Variants in TTC7A observed in about 807,000 individuals in gnomAD.
TTC7A encodes tetratricopeptide repeat domain 7A.
TTC7A carries 110 observed loss-of-function variants against 103.7 expected under a neutral mutation model. The observed-to-expected ratio is 1.06, with a 90% CI of 0.91 to 1.24. The LOEUF is 1.24. TTC7A is among the 50% of genes most tolerant of loss of function. The pLI, the probability that TTC7A is intolerant of heterozygous loss-of-function variation, is 0.00. For missense variants in TTC7A, 1,340 were observed against 1,116.3 expected (o/e 1.20, Z -2.86); for synonymous variants, 521 against 467.9 (o/e 1.11, Z -1.47).
chr2:46,974,753 T>G lies in TTC7A; in HGVS notation c.518-220T>G, dbSNP rs543320656. 1.6e-3 allele frequency: 1,032 copies of G among 627,894 alleles called. 4 individuals carry two copies. The highest frequency in any genetic ancestry group is 2.6e-3 in the Non-Finnish European group (917 of 346,912). 38.9% of individuals were successfully genotyped at this position (627,894 alleles called of 1,614,324 possible). A position where few individuals can be genotyped will look rare whatever the true frequency, so the allele number is the denominator to read the frequency against. ...TCCCCGGGTAGTTGGGCTGGGGTGA[T>G]GCACTGTGATTCCCCACGTGCTGTC... On this transcript the variant is annotated intron_variant, in intron 3 of 19. Transcript: ENST00000319190.
intron 15 of TTC7A, among the ~76,000 whole-genome samples, chr2:47,038,279 GAAAA>G (rs1345055472): frequency 8.9e-4 from 132 of 148,970 alleles, no homozygotes; most frequent in Admixed American, 2.1e-3. Context: ...AAAAAAGAAA[GAAAA>G]AAGCTGAGGC....
At chr2:46,958,750 G>T (rs916918077) in intron 3 of TTC7A, among the ~76,000 whole-genome samples, 13 of 152,208 alleles carry the variant, frequency 8.5e-5, no homozygotes, top group Admixed American at 2.0e-4. Flanking sequence ...GACCATGCAC[G>T]TGGCCACCAG....
chr2:46,922,354 G>A (rs1317368689), intron 2 of TTC7A, among the ~76,000 whole-genome samples: 1 of 152,160 alleles, frequency 6.6e-6, no homozygotes, highest in Non-Finnish European at 1.5e-5. Context: ...GTCTATGGGA[G>A]TCCTATGTGG....
chr2:47,036,337 G>T (rs1435677690), intron 15 of TTC7A, among the ~76,000 whole-genome samples: 1 of 152,246 alleles, frequency 6.6e-6, no homozygotes, highest in Non-Finnish European at 1.5e-5. Context: ...AAGCTTCAAA[G>T]TGAGATCACG....
intron 3 of TTC7A, among the ~76,000 whole-genome samples, chr2:46,972,652 G>A (rs1673473678): frequency 6.6e-6 from 1 of 152,234 alleles, no homozygotes; most frequent in Non-Finnish European, 1.5e-5. Flanking sequence ...CAAAAGGAGA[G>A]CAAGGTGCTA....
At chr2:46,977,802 G>T (rs1477772630) in intron 4 of TTC7A, among the ~76,000 whole-genome samples, 4 of 152,122 alleles carry the variant, frequency 2.6e-5, no homozygotes, top group Admixed American at 1.3e-4. Context: ...GGAACTCCTG[G>T]CCTCAAGCGA....
intron 2 of TTC7A, among the ~76,000 whole-genome samples, chr2:46,926,794 C>T (rs756724127): frequency 1.3e-5 from 2 of 152,192 alleles, no homozygotes; most frequent in East Asian, 1.9e-4. Context: ...GAGCAATCAA[C>T]GGACCTCCAC....
chr2:46,980,209 T>G (rs1674298258), intron 5 of TTC7A, among the ~76,000 whole-genome samples: 3 of 147,588 alleles, frequency 2.0e-5, no homozygotes, highest in Non-Finnish European at 3.0e-5. Context: ...TACCCTATAC[T>G]CTCTCTCTTT....
At chr2:47,003,379 G>T (rs1337874727) in intron 8 of TTC7A, among the ~76,000 whole-genome samples, 2 of 152,180 alleles carry the variant, frequency 1.3e-5, no homozygotes, top group African/African-American at 4.8e-5. Context: ...TCCTGAATGG[G>T]GTTGTGAGGA....
chr2:47,001,644 G>A (rs963670676), intron 8 of TTC7A, among the ~76,000 whole-genome samples: 4 of 152,120 alleles, frequency 2.6e-5, no homozygotes, highest in African/African-American at 4.8e-5. Context: ...ATCACTTGAG[G>A]TCAGGGGTTC....
chr2:46,968,163 G>T (rs1313084131), intron 3 of TTC7A, among the ~76,000 whole-genome samples: 1 of 152,224 alleles, frequency 6.6e-6, no homozygotes, highest in Non-Finnish European at 1.5e-5. Context: ...GCCTGGTGTT[G>T]GGCCTGAGGC....
chr2:47,037,515 T>A (rs545985640), intron 15 of TTC7A, among the ~76,000 whole-genome samples: 3 of 152,190 alleles, frequency 2.0e-5, no homozygotes, highest in Admixed American at 6.5e-5. Flanking sequence ...GAAACTAATG[T>A]GAAAGTTAGA....
At position 47,073,759 on chromosome 2, in the gene TTC7A, G is replaced by A; in HGVS notation, c.2413G>A (p.Ala805Thr). The change falls in exon 20 of 20, where the codon GCC (alanine) becomes ACC (threonine). Residue 805 changes from alanine (A) to threonine (T), a missense_variant. By Grantham distance (58) the Ala-to-Thr change is moderately conservative. Transcript: ENST00000319190. ...CTTGGCCCAGAAGGTGCTTCGTGATGCCGTGGAGAGGCAGAGTACGTGCCA... is the reference window on the plus strand; with the variant it reads ...CTTGGCCCAGAAGGTGCTTCGTGATACCGTGGAGAGGCAGAGTACGTGCCA... ...KSLAQKVLRD[A>T]VERQSTCHEA... 1.2e-6 allele frequency: 2 copies of A among 1,613,858 alleles called. No individual in the cohort carries two copies. The highest frequency in any genetic ancestry group is 1.7e-6 in the Non-Finnish European group (2 of 1,180,016).
At chr2:47,000,417 C>T (rs1320310152) in intron 8 of TTC7A, among the ~76,000 whole-genome samples, 6 of 152,188 alleles carry the variant, frequency 3.9e-5, no homozygotes, top group African/African-American at 1.4e-4. Context: ...CAGCTTAGAG[C>T]CCTTGGTTCA....
chr2:47,041,071 A>C (rs930385236), intron 15 of TTC7A, among the ~76,000 whole-genome samples: 1 of 152,046 alleles, frequency 6.6e-6, no homozygotes, highest in Non-Finnish European at 1.5e-5. Flanking sequence ...GTCCCCTGGG[A>C]TGGAGGCCCT....
In TTC7A at chr2:46,984,791, G is replaced by A. The variant is rs548211563; in HGVS notation, c.764+5884G>A. ...CTTGGAGAGGTTGAGTCACTTGCCC[G>A]AGCTTACCCACTGTGATTCCAGCTT... On this transcript the variant is annotated intron_variant, in intron 5 of 19. Coordinates refer to ENST00000319190, the MANE Select transcript of TTC7A (RefSeq NM_020458.4). Among the ~76,000 whole-genome samples, 30 of 152,288 alleles carry A rather than the reference G, an allele frequency of 2.0e-4. No individual in the cohort carries two copies. In the South Asian group the frequency reaches 2.5e-3, roughly 13 times the overall value.
At chr2:47,009,294 T>G (rs1285350854) in intron 10 of TTC7A, among the ~76,000 whole-genome samples, 1 of 152,140 alleles carries the variant, frequency 6.6e-6, no homozygotes, top group Admixed American at 6.5e-5. Context: ...CTTGGCCTCC[T>G]ACCCTCTTGT....
rs542477531 is a variant in TTC7A, at chr2:46,926,616, G to GC, written c.82+9346dup. On this transcript the variant is annotated intron_variant, in intron 2 of 20. Coordinates refer to the TTC7A transcript ENST00000409245. Reference sequence around the variant, plus strand: ...AATAAGGTGATTTCAGATTGGTAGAGCCCCCCCAGGTGCCTAGAAAAAGCA... The same window carrying GC: ...AATAAGGTGATTTCAGATTGGTAGAGCCCCCCCCAGGTGCCTAGAAAAAGCA... Among the ~76,000 whole-genome samples the GC allele has an allele frequency of 2.1e-4, 32 of 152,246 alleles. 1 individual carries two copies. Among genetic ancestry groups the GC allele is most frequent in the South Asian group, 1.5e-3 (7 of 4,816 alleles).
intron 1 of TTC7A, chr2:46,916,724 TCC>T: frequency 1.2e-5 from 2 of 163,914 alleles, no homozygotes; most frequent in Non-Finnish European, 2.7e-5. Context: ...AACCTCCGCC[TCC>T]CAGGTTCAAG....
Sources: gnomAD v4.1 joint callset for allele counts (sites outside exome capture counted in the v4.1 genomes callset) on GRCh38, gnomAD v4.1.1 for gene constraint, MANE v1.5 for transcripts, NCBI Gene and HGNC (gene_info 2026-07-23, HGNC 2026-07-21) for gene names.